CDH12: variants seen among roughly 807,000 people sequenced by gnomAD.
The protein encoded by CDH12 is cadherin-12.
In CDH12, 41 loss-of-function variants were observed where a neutral mutation model predicts 74.1. The observed-to-expected ratio is 0.55, with a 90% CI of 0.43 to 0.72. CDH12 has a LOEUF of 0.72. CDH12 is among the 30% of genes least tolerant of loss of function. The pLI is 0.00. For synonymous variants in CDH12, 399 were observed against 355.0 expected, an observed-to-expected ratio of 1.12 and a Z score of -1.39; for missense variants, 945 against 977.2, an observed-to-expected ratio of 0.97 and a Z score of 0.44.
intron 3 of CDH12, among the ~76,000 whole-genome samples, chr5:22,371,186 T>C (rs1741271817): frequency 1.3e-5 from 2 of 152,154 alleles, no homozygotes; most frequent in Non-Finnish European, 2.9e-5. Context: ...CTGTAATTTG[T>C]CTAGGTGCCA....
chr5:22,452,894 A>AAT (rs1554041796), intron 2 of CDH12, among the ~76,000 whole-genome samples: 1 of 147,638 alleles, frequency 6.8e-6, no homozygotes, highest in Non-Finnish European at 1.5e-5. Context: ...AAAAAAAAAA[A>AAT]AAAAAAAAAA....
intron 1 of CDH12, among the ~76,000 whole-genome samples, chr5:22,842,331 G>A (rs1177331981): frequency 6.6e-6 from 1 of 152,038 alleles, no homozygotes; most frequent in Non-Finnish European, 1.5e-5. Flanking sequence ...TGCAACATAA[G>A]GAAAAAATCA....
intron 1 of CDH12, among the ~76,000 whole-genome samples, chr5:22,743,073 T>C (rs1193132500): frequency 1.3e-5 from 2 of 151,324 alleles, no homozygotes; most frequent in African/African-American, 2.4e-5. Flanking sequence ...CAAACCAAAA[T>C]ATTAGCTCTT....
chr5:22,304,497 G>T (rs1162847595), intron 3 of CDH12, among the ~76,000 whole-genome samples: 1 of 152,126 alleles, frequency 6.6e-6, no homozygotes, highest in Non-Finnish European at 1.5e-5. Context: ...AATGAAATGT[G>T]AAATCAAAAA....
At chr5:22,173,291 A>G (rs924897064) in intron 4 of CDH12, among the ~76,000 whole-genome samples, 4 of 146,776 alleles carry the variant, frequency 2.7e-5, no homozygotes, top group Non-Finnish European at 6.0e-5. Context: ...TAATTTATGT[A>G]ATTATATAAT....
At chr5:22,301,811 T>C (rs1352941726) in intron 3 of CDH12, among the ~76,000 whole-genome samples, 1 of 151,812 alleles carries the variant, frequency 6.6e-6, no homozygotes, top group Non-Finnish European at 1.5e-5. Flanking sequence ...TATTTATTTA[T>C]TTATTCATTC....
At chr5:22,384,295 C>T (rs995727368) in intron 3 of CDH12, among the ~76,000 whole-genome samples, 4 of 151,404 alleles carry the variant, frequency 2.6e-5, no homozygotes, top group South Asian at 2.1e-4. Flanking sequence ...GAGGCCGAGG[C>T]GGGCGGATCA....
chr5:22,821,277 C>T (rs1234059063), intron 1 of CDH12, among the ~76,000 whole-genome samples: 1 of 152,178 alleles, frequency 6.6e-6, no homozygotes, highest in East Asian at 1.9e-4. Context: ...CAGCCAATAT[C>T]ATACTGAATA....
chr5:22,163,179 C>T (rs796801335), intron 4 of CDH12, among the ~76,000 whole-genome samples: 4 of 152,272 alleles, frequency 2.6e-5, no homozygotes, highest in African/African-American at 4.8e-5. Context: ...CCGCTCCCGG[C>T]CCCCTCTGAC....
intron 6 of CDH12, among the ~76,000 whole-genome samples, chr5:21,893,870 G>C (rs964547512): frequency 6.6e-6 from 1 of 152,062 alleles, no homozygotes; most frequent in Non-Finnish European, 1.5e-5. Flanking sequence ...TTTTTTTTCT[G>C]TCATTAATTA....
chr5:21,833,392 A>G (rs1327531088), intron 8 of CDH12, among the ~76,000 whole-genome samples: 1 of 95,962 alleles, frequency 1.0e-5, no homozygotes, highest in African/African-American at 4.3e-5. Context: ...TATAATTAAT[A>G]TCTATTAATA....
intron 3 of CDH12, among the ~76,000 whole-genome samples, chr5:22,362,303 C>T (rs1302805246): frequency 3.3e-5 from 5 of 152,062 alleles, no homozygotes; most frequent in Admixed American, 2.6e-4. Flanking sequence ...AAGAAGACAT[C>T]TATGCAGCCA....
intron 6 of CDH12, among the ~76,000 whole-genome samples, chr5:21,957,010 T>C (rs537056754): frequency 1.3e-5 from 2 of 152,146 alleles, no homozygotes; most frequent in Admixed American, 1.3e-4. Context: ...GATCATTTTG[T>C]CACCTAGGTA....
At chr5:21,992,970 G>A (rs1323877520) in intron 5 of CDH12, among the ~76,000 whole-genome samples, 1 of 151,790 alleles carries the variant, frequency 6.6e-6, no homozygotes, top group Non-Finnish European at 1.5e-5. Flanking sequence ...ATGGCGGCAG[G>A]AGAGAGAGAG....
chr5:22,317,034 T>A (rs955097934), intron 3 of CDH12, among the ~76,000 whole-genome samples: 1 of 152,042 alleles, frequency 6.6e-6, no homozygotes, highest in Non-Finnish European at 1.5e-5. Flanking sequence ...ACTAGATAGA[T>A]TAACTATTAA....
chr5:21,950,991 G>C (rs111791925), intron 6 of CDH12, among the ~76,000 whole-genome samples: 2 of 151,420 alleles, frequency 1.3e-5, no homozygotes, highest in Non-Finnish European at 2.9e-5. Flanking sequence ...GTTTCACCGT[G>C]TTAGCTAGGA....
intron 1 of CDH12, among the ~76,000 whole-genome samples, chr5:22,743,260 TTATATATATATA>T (rs71609778): frequency 4.4e-5 from 4 of 90,422 alleles, no homozygotes; most frequent in African/African-American, 1.3e-4. Flanking sequence ...AGCATGGAGA[TTATATATATATA>T]TATATATATG....
chr5:22,503,810 C>T (rs539195750), intron 2 of CDH12, among the ~76,000 whole-genome samples: 1 of 151,936 alleles, frequency 6.6e-6, no homozygotes, highest in Admixed American at 6.6e-5. Flanking sequence ...TGTTTTAATG[C>T]TCTGTTATGC....
chr5:22,619,137 G>T (rs1345149042), intron 1 of CDH12, among the ~76,000 whole-genome samples: 1 of 151,884 alleles, frequency 6.6e-6, no homozygotes, highest in Non-Finnish European at 1.5e-5. Flanking sequence ...CTAATAGTAG[G>T]CTCAGAACAG....
Sources: allele counts gnomAD v4.1 joint callset (sites outside exome capture counted in the v4.1 genomes callset), GRCh38; gene constraint gnomAD v4.1.1; transcripts MANE v1.5; gene names NCBI Gene and HGNC (gene_info 2026-07-23, HGNC 2026-07-21).